The following TMEM184B variants were observed in gnomAD, a reference collection of about 807,000 sequenced individuals.
The protein encoded by TMEM184B is putative MAPK-activating protein FM08.
In TMEM184B, 17 loss-of-function variants were observed where a neutral mutation model predicts 41.8. The ratio of observed to expected loss-of-function variants is 0.41; its 90% CI spans 0.28 to 0.61. The LOEUF (loss-of-function observed/expected upper bound fraction) is 0.61. TMEM184B is among the 20% of genes least tolerant of loss of function. TMEM184B has a pLI of 0.34. For missense variants in TMEM184B, 393 were observed against 557.8 expected (o/e 0.70, Z 2.98); for synonymous variants, 240 against 229.5 (o/e 1.05, Z -0.41).
Position 38,221,269 on chromosome 22 carries a change from T to G in TMEM184B, c.*200A>C. The G allele has an allele frequency of 7.0e-7, 1 of 1,426,430 alleles. No individual in the cohort carries two copies. 88.4% of individuals were successfully genotyped at this position (1,426,430 alleles called of 1,614,324 possible). A position where few individuals can be genotyped will look rare whatever the true frequency, so the allele number is the denominator to read the frequency against. On this transcript the variant is annotated 3_prime_UTR_variant, in exon 9 of 9. Transcript: ENST00000361906. ...CCCGGGCAGTGCAGGCTGGGCCATG[T>G]ATAAATATTCCTGAAGGCCCATGGG...
chr22:38,244,720 T>A (rs978053447), intron 3 of TMEM184B, among the ~76,000 whole-genome samples: 2 of 152,200 alleles, frequency 1.3e-5, no homozygotes, highest in Admixed American at 6.5e-5. Context: ...CCTCCCAAAG[T>A]AATGGGATTT....
In TMEM184B at chr22:38,226,101, T is replaced by C. The variant is rs953771532; in HGVS notation, c.618-508A>G. 7.7e-4 allele frequency among the ~76,000 whole-genome samples: 115 copies of C among 149,894 alleles called. 2 individuals carry two copies. Among genetic ancestry groups the C allele is most frequent in the African/African-American group, 2.6e-3 (107 of 40,606 alleles). ...CTTTTTTTTTTTTTTTTTTTAGATATGGAGTTTTGTTCTTGTCACCCAGGC... is the reference window on the plus strand; with the variant it reads ...CTTTTTTTTTTTTTTTTTTTAGATACGGAGTTTTGTTCTTGTCACCCAGGC... On this transcript the variant is annotated intron_variant, in intron 6 of 8. Transcript: ENST00000361906. The surrounding 1 kb of genome is among the most constrained non-coding windows in gnomAD (Gnocchi z 4.6).
In TMEM184B at chr22:38,247,985, C is replaced by T. The variant is rs778947644; in HGVS notation, c.-24G>A. On this transcript the variant is annotated 5_prime_UTR_variant, in exon 2 of 9. Transcript: ENST00000361906. ...ATGGTGCCTGGCAGCAGGAGGCTCC[C>T]TGAGGGAAACCTTTGCAGAAAGTGA... 2.6e-6 allele frequency: 4 copies of T among 1,545,708 alleles called. No homozygotes were observed. The highest frequency in any genetic ancestry group is 3.5e-6 in the Non-Finnish European group (4 of 1,151,668).
At chr22:38,255,454 G>T (rs1034616533) in intron 1 of TMEM184B, among the ~76,000 whole-genome samples, 2 of 152,234 alleles carry the variant, frequency 1.3e-5, no homozygotes, top group Admixed American at 6.5e-5. Context: ...TTACAGGCGT[G>T]AGCCACCATG....
intron 1 of TMEM184B, among the ~76,000 whole-genome samples, chr22:38,265,743 G>A (rs1049003012): frequency 6.6e-6 from 1 of 152,046 alleles, no homozygotes; most frequent in South Asian, 2.1e-4. Flanking sequence ...ATTGTGCCTC[G>A]CAGGCACCCA....
rs140250482 is a variant in TMEM184B at position 38,251,140 on chromosome 22, G to A, written c.-58-3121C>T. On this transcript the variant is annotated intron_variant, in intron 1 of 8. Transcript: ENST00000361906. ...GCAGGAGGGGAGGCAGGTCCCCCAG[G>A]GTGGAGGAGAAGCCACCATGGCTGG... 3.1e-3 allele frequency among the ~76,000 whole-genome samples: 470 copies of A among 152,292 alleles called. 2 individuals are homozygous for A. Among genetic ancestry groups the A allele is most frequent in the African/African-American group, 5.1e-3 (211 of 41,568 alleles).
At position 38,246,827 on chromosome 22, in the gene TMEM184B, C is replaced by T. The variant is rs1441177267; in HGVS notation, c.193-727G>A. On this transcript the variant is annotated intron_variant, in intron 2 of 8. Transcript: ENST00000361906. ...CTACCACAGTCCTCAGTCCAGGCAG[C>T]CCCTGGGTGTCTCGTCCCAGCTCTC... The T allele has an allele frequency of 3.8e-6, 5 of 1,300,530 alleles. No homozygotes were observed. The East Asian group carries it at 1.7e-4, about 44-fold the overall frequency. The allele number at this position is 1,300,530 out of a possible 1,614,324, so 80.6% of individuals were successfully genotyped here. A position where few individuals can be genotyped will look rare whatever the true frequency, so the allele number is the denominator to read the frequency against.
chr22:38,221,036 C>A lies in TMEM184B; in HGVS notation c.*433G>T. 9.9e-7 allele frequency: 1 copy of A among 1,010,404 alleles called. No individual in the cohort carries two copies. Among genetic ancestry groups the A allele is most frequent in the Non-Finnish European group, 1.2e-6 (1 of 845,994 alleles). 62.6% of individuals were successfully genotyped at this position (1,010,404 alleles called of 1,614,324 possible). A position where few individuals can be genotyped will look rare whatever the true frequency, so the allele number is the denominator to read the frequency against. On this transcript the variant is annotated 3_prime_UTR_variant, in exon 9 of 9. Coordinates refer to ENST00000361906, the MANE Select transcript of TMEM184B (RefSeq NM_012264.5). ...GGGAGGGATGCAGGCGGGAAGAGCCCAGGTCAGACAGGGTATTGCACGGTG... is the reference window on the plus strand; with the variant it reads ...GGGAGGGATGCAGGCGGGAAGAGCCAAGGTCAGACAGGGTATTGCACGGTG...
chr22:38,219,184 C>G, downstream of TMEM184B: 1 of 870,326 alleles, frequency 1.1e-6, no homozygotes, highest in Non-Finnish European at 1.4e-6. Flanking sequence ...AGGTTACACA[C>G]AGGAAGGAGA....
chr22:38,269,085 C>A (rs1364868326), intron 1 of TMEM184B, among the ~76,000 whole-genome samples: 1 of 152,244 alleles, frequency 6.6e-6, no homozygotes, highest in Admixed American at 6.5e-5. Context: ...GAATTAGAAC[C>A]TGGTAAGCAT....
chr22:38,255,993 A>G (rs1397874960), intron 1 of TMEM184B, among the ~76,000 whole-genome samples: 1 of 152,054 alleles, frequency 6.6e-6, no homozygotes, highest in Non-Finnish European at 1.5e-5. Context: ...ATAAAATTGA[A>G]GAGAACTACA....
Position 38,239,383 on chromosome 22 carries a change from T to C in TMEM184B, c.358+6552A>G, listed in dbSNP as rs1465671368. On this transcript the variant is annotated intron_variant, in intron 3 of 8. Transcript: ENST00000361906. The surrounding 1 kb of genome is among the most constrained non-coding windows in gnomAD (Gnocchi z 4.6). Reference sequence around the variant, plus strand: ...CTAACGCCACTGAAATGAGAAGGAATGAGGGTGGGGTGGGGAGCAAACCTT... The same window carrying C: ...CTAACGCCACTGAAATGAGAAGGAACGAGGGTGGGGTGGGGAGCAAACCTT... 6.6e-6 allele frequency: 1 copy of C among 152,238 alleles called. No homozygotes were observed. Among genetic ancestry groups the C allele is most frequent in the African/African-American group, 2.4e-5 (1 of 41,386 alleles). 9.4% of individuals were successfully genotyped at this position (152,238 alleles called of 1,614,324 possible).
chr22:38,252,819 A>G (rs2092196661), intron 1 of TMEM184B, among the ~76,000 whole-genome samples: 1 of 152,182 alleles, frequency 6.6e-6, no homozygotes, highest in Non-Finnish European at 1.5e-5. Context: ...TTAACAAGGG[A>G]CAGTTCTAGG....
intron 1 of TMEM184B, among the ~76,000 whole-genome samples, chr22:38,268,258 G>A (rs1268555880): frequency 1.3e-5 from 2 of 151,694 alleles, no homozygotes; most frequent in Admixed American, 1.3e-4. Flanking sequence ...GTGGGTGCCT[G>A]TAATCCCCGC....
In TMEM184B at chr22:38,221,249, G is replaced by A; in HGVS notation, c.*220C>T. 2 of 1,408,634 alleles carry A rather than the reference G, an allele frequency of 1.4e-6. No individual in the cohort carries two copies. The highest frequency in any genetic ancestry group is 1.8e-6 in the Non-Finnish European group (2 of 1,085,728). 87.3% of individuals were successfully genotyped at this position (1,408,634 alleles called of 1,614,324 possible). A position where few individuals can be genotyped will look rare whatever the true frequency, so the allele number is the denominator to read the frequency against. On this transcript the variant is annotated 3_prime_UTR_variant, in exon 9 of 9. Transcript: ENST00000361906. ...CCCAGTGTCCTCTGCCCTCGCCCGGGCAGTGCAGGCTGGGCCATGTATAAA... is the reference window on the plus strand; with the variant it reads ...CCCAGTGTCCTCTGCCCTCGCCCGGACAGTGCAGGCTGGGCCATGTATAAA...
rs777872165 is a variant in TMEM184B, at chr22:38,247,953, C to T, written c.9G>A (p.Val3=). The T allele has an allele frequency of 6.3e-7, 1 of 1,580,360 alleles. No individual in the cohort carries two copies. The highest frequency in any genetic ancestry group is 8.6e-7 in the Non-Finnish European group (1 of 1,169,110). ...GATCCGGGGCCAGCACATCCCCCCT[C>T]ACTGTCATGGTGCCTGGCAGCAGGA... MT[V]RGDVLAPDPA... The change falls in exon 2 of 9, where the codon GTG becomes GTA. Residue 3 remains valine (V), a synonymous_variant. Coordinates refer to ENST00000361906, the MANE Select transcript of TMEM184B (RefSeq NM_012264.5).
intron 1 of TMEM184B, among the ~76,000 whole-genome samples, chr22:38,267,894 A>G (rs1175814602): frequency 6.6e-6 from 1 of 152,200 alleles, no homozygotes; most frequent in African/African-American, 2.4e-5. Context: ...AAAAGTCACC[A>G]ACCAGAAGCC....
chr22:38,222,601 T>C, intron 8 of TMEM184B: 1 of 984,806 alleles, frequency 1.0e-6, no homozygotes, highest in Non-Finnish European at 1.2e-6. Context: ...TGACCAGAAC[T>C]GACATGCAGG....
intron 1 of TMEM184B, chr22:38,272,583 C>T (rs2092541693): frequency 1.0e-6 from 1 of 985,630 alleles, no homozygotes; most frequent in Non-Finnish European, 1.2e-6. Context: ...CTCCCTCTCC[C>T]GGGGCCGCCC....
Sources: gnomAD v4.1 joint callset for allele counts (sites outside exome capture counted in the v4.1 genomes callset) on GRCh38, gnomAD v4.1.1 for gene constraint, Gnocchi (gnomAD v3.1) non-coding constraint, MANE v1.5 for transcripts, NCBI Gene and HGNC (gene_info 2026-07-23, HGNC 2026-07-21) for gene names.